The following ERI3 variants were observed in gnomAD, a reference collection of about 807,000 sequenced individuals.
ERI3 encodes ERI1 exoribonuclease 3.
ERI3 carries 18 observed loss-of-function variants against 44.4 expected under a neutral mutation model. The ratio of observed to expected loss-of-function variants is 0.41; its 90% confidence interval spans 0.28 to 0.60. The LOEUF (loss-of-function observed/expected upper bound fraction) is 0.60. Among genes scored for constraint, ERI3 ranks in the 20% least tolerant of loss-of-function variants. The pLI is 0.36. For synonymous variants in ERI3, 183 were observed against 164.8 expected (o/e 1.11, Z -0.84); for missense variants, 294 against 435.5 (o/e 0.68, Z 2.89).
In ERI3 at chr1:44,221,208, T is replaced by G. The variant is rs1392984219; in HGVS notation, c.*350A>C. 1.7e-5 allele frequency: 6 copies of G among 345,602 alleles called. No individual in the cohort carries two copies. The highest frequency in any genetic ancestry group is 1.1e-5 in the Non-Finnish European group (2 of 184,500). The allele number at this position is 345,602 out of a possible 1,614,324, so 21.4% of individuals were successfully genotyped here. ...GGCACCACACACCATGCACTATGGA[T>G]GGGAGGGGGCACAGGAGGGGCTTGG... On this transcript the variant is annotated 3_prime_UTR_variant, in exon 9 of 9. Transcript: ENST00000372257. The surrounding 1 kb of genome is among the most constrained non-coding windows in gnomAD (Gnocchi z 5.9).
At chr1:44,251,367 CG>C (rs896266663) in intron 7 of ERI3, among the ~76,000 whole-genome samples, 1 of 152,238 alleles carries the variant, frequency 6.6e-6, no homozygotes, top group African/African-American at 2.4e-5. Context: ...TCCCTCCATT[CG>C]CCCTCCTTAA....
chr1:44,283,748 TCAGTGTGGCAC>T (rs1645335423), intron 7 of ERI3, among the ~76,000 whole-genome samples: 1 of 152,196 alleles, frequency 6.6e-6, no homozygotes, highest in African/African-American at 2.4e-5. Context: ...AAGGTCATTG[TCAGTGTGGCAC>T]AAATACTTAT....
chr1:44,234,158 C>T (rs1320968523), intron 8 of ERI3, among the ~76,000 whole-genome samples: 2 of 152,152 alleles, frequency 1.3e-5, no homozygotes, highest in Non-Finnish European at 2.9e-5. Context: ...GCAAACTTAT[C>T]CCCTCCTGGA....
chr1:44,304,517 G>A (rs1236051614), intron 6 of ERI3, among the ~76,000 whole-genome samples: 3 of 152,150 alleles, frequency 2.0e-5, no homozygotes. Context: ...GCAATGCCAA[G>A]AGGACTCAGC....
intron 3 of ERI3, among the ~76,000 whole-genome samples, chr1:44,334,373 A>G (rs1382413467): frequency 6.6e-6 from 1 of 152,190 alleles, no homozygotes; most frequent in Non-Finnish European, 1.5e-5. Flanking sequence ...CAGGGTCACA[A>G]CAACCATCAC....
intron 4 of ERI3, among the ~76,000 whole-genome samples, chr1:44,316,122 G>A (rs923102733): frequency 6.6e-6 from 1 of 152,040 alleles, no homozygotes; most frequent in African/African-American, 2.4e-5. Context: ...TCTATCTTAG[G>A]CCTAACTTAA....
chr1:44,340,229 CCTAA>C (rs1340653312), intron 2 of ERI3, among the ~76,000 whole-genome samples: 1 of 151,640 alleles, frequency 6.6e-6, no homozygotes, highest in Non-Finnish European at 1.5e-5. Context: ...TCCTCAGAGG[CCTAA>C]CTAAATACAA....
chr1:44,307,551 T>C (rs1557837718), intron 6 of ERI3, among the ~76,000 whole-genome samples: 1 of 152,146 alleles, frequency 6.6e-6, no homozygotes, highest in Non-Finnish European at 1.5e-5. Flanking sequence ...TTCGGTTCCC[T>C]GGGGGCCATC....
chr1:44,270,158 AAC>A (rs140058171), intron 7 of ERI3, among the ~76,000 whole-genome samples: 15 of 151,924 alleles, frequency 9.9e-5, no homozygotes, highest in Non-Finnish European at 2.1e-4. Context: ...AAGGGGAAAA[AAC>A]ACACACACAC....
chr1:44,292,761 G>GCT (rs1478961206), intron 6 of ERI3, among the ~76,000 whole-genome samples: 1 of 152,304 alleles, frequency 6.6e-6, no homozygotes, highest in Non-Finnish European at 1.5e-5. Context: ...CTCTGGGACG[G>GCT]CTGCAGGTTA....
chr1:44,290,477 G>A (rs532502960), intron 6 of ERI3, among the ~76,000 whole-genome samples: 15 of 152,266 alleles, frequency 9.9e-5, no homozygotes, highest in African/African-American at 2.4e-4. Flanking sequence ...TGTCCCTAGC[G>A]GCCCTGCAGC....
chr1:44,332,512 A>T (rs1646451601), intron 3 of ERI3, among the ~76,000 whole-genome samples: 1 of 152,176 alleles, frequency 6.6e-6, no homozygotes, highest in Non-Finnish European at 1.5e-5. Flanking sequence ...AACCCTGGGG[A>T]AGGTGGAGAA....
chr1:44,270,473 A>C (rs796492419), intron 7 of ERI3, among the ~76,000 whole-genome samples: 25 of 152,318 alleles, frequency 1.6e-4, no homozygotes, highest in African/African-American at 6.0e-4. Flanking sequence ...TAACTGGCCC[A>C]AAGTGTTGGA....
chr1:44,337,940 AAG>A (rs1181036054), intron 3 of ERI3, among the ~76,000 whole-genome samples: 2 of 152,158 alleles, frequency 1.3e-5, no homozygotes, highest in East Asian at 3.9e-4. Flanking sequence ...CCCTATAGAG[AAG>A]AGTTACAGTC....
intron 6 of ERI3, among the ~76,000 whole-genome samples, chr1:44,286,004 AG>A: frequency 6.6e-6 from 1 of 152,348 alleles, no homozygotes; most frequent in Non-Finnish European, 1.5e-5. Context: ...ATGGTGATCA[AG>A]GAACAAACAT....
At chr1:44,323,036 C>T in intron 3 of ERI3, 1 of 907,430 alleles carries the variant, frequency 1.1e-6, no homozygotes. Flanking sequence ...TTTCTCTCAG[C>T]CAATTTCATC....
intron 2 of ERI3, among the ~76,000 whole-genome samples, chr1:44,347,035 A>G (rs932675187): frequency 2.0e-5 from 3 of 152,136 alleles, no homozygotes; most frequent in African/African-American, 4.8e-5. Flanking sequence ...GAATATTCGC[A>G]TATCACACAT....
chr1:44,347,201 C>T (rs1402358664), intron 2 of ERI3, among the ~76,000 whole-genome samples: 7 of 152,178 alleles, frequency 4.6e-5, no homozygotes, highest in East Asian at 3.8e-4. Flanking sequence ...CAAAGTGTAA[C>T]TTTAACTAAA....
intron 8 of ERI3, among the ~76,000 whole-genome samples, chr1:44,223,458 T>C (rs1643953555): frequency 1.3e-5 from 2 of 152,042 alleles, no homozygotes; most frequent in Admixed American, 6.6e-5. Flanking sequence ...GGTGATTTTC[T>C]TCCCAAATAA....
Sources: allele counts gnomAD v4.1 joint callset (sites outside exome capture counted in the v4.1 genomes callset), GRCh38; gene constraint gnomAD v4.1.1; non-coding constraint Gnocchi (gnomAD v3.1); transcripts MANE v1.5; gene names NCBI Gene and HGNC (gene_info 2026-07-23, HGNC 2026-07-21).